HPSE2: variants seen among roughly 807,000 people sequenced by gnomAD.
The protein encoded by HPSE2 is inactive heparanase-2.
HPSE2 carries 38 observed loss-of-function variants against 60.5 expected under a neutral mutation model. The observed-to-expected ratio is 0.63, with a 90% CI of 0.48 to 0.82. The LOEUF is 0.82. Ranked by LOEUF, HPSE2 falls within the 40% of genes least tolerant of loss-of-function variation. HPSE2 has a pLI of 0.00. For synonymous variants in HPSE2, 295 were observed against 293.2 expected (o/e 1.01, Z -0.06); for missense variants, 713 against 740.4 (o/e 0.96, Z 0.43).
At chr10:98,565,500 A>G (rs1944316894) in intron 9 of HPSE2, among the ~76,000 whole-genome samples, 1 of 152,196 alleles carries the variant, frequency 6.6e-6, no homozygotes, top group African/African-American at 2.4e-5. Flanking sequence ...TGCAAAGGAC[A>G]TGATCTCATT....
At chr10:98,657,212 CA>C (rs57694497) in intron 6 of HPSE2, among the ~76,000 whole-genome samples, 10 of 138,806 alleles carry the variant, frequency 7.2e-5, no homozygotes, top group East Asian at 2.1e-4. Context: ...AGAAGCTGTG[CA>C]AAAAAAAAAA....
chr10:98,935,212 T>C (rs1954754057), intron 3 of HPSE2, among the ~76,000 whole-genome samples: 1 of 142,790 alleles, frequency 7.0e-6, no homozygotes, highest in African/African-American at 2.9e-5. Context: ...CTTAGCTTCT[T>C]TGCATTGGGT....
chr10:98,615,574 A>G (rs992775824), intron 8 of HPSE2, among the ~76,000 whole-genome samples: 3 of 152,222 alleles, frequency 2.0e-5, no homozygotes, highest in African/African-American at 4.8e-5. Context: ...CACTATAAGT[A>G]ACTATTCAGG....
intron 2 of HPSE2, among the ~76,000 whole-genome samples, chr10:99,150,931 A>C (rs2135797230): frequency 6.6e-6 from 1 of 152,316 alleles, no homozygotes; most frequent in South Asian, 2.1e-4. Flanking sequence ...AAAATGTTTT[A>C]AACATAATCT....
intron 3 of HPSE2, among the ~76,000 whole-genome samples, chr10:98,924,283 T>C (rs908578120): frequency 1.3e-5 from 2 of 152,186 alleles, no homozygotes; most frequent in Admixed American, 6.5e-5. Flanking sequence ...CAATCACCCC[T>C]GTGGCCACCA....
intron 2 of HPSE2, among the ~76,000 whole-genome samples, chr10:99,224,985 C>T (rs1849426608): frequency 6.6e-6 from 1 of 152,018 alleles, no homozygotes; most frequent in Admixed American, 6.6e-5. Context: ...GACATGGTGA[C>T]TAAATCTTTG....
rs1845130638 is a variant in HPSE2, at chr10:99,125,581, G to C, written c.610+18657C>G. On this transcript the variant is annotated intron_variant, in intron 3 of 11. Transcript: ENST00000370552. ...ACTAGGAAAACTGAAAGAATTCACT[G>C]ATCCTTTGAAAGAAGTGGCATGCCA... Among the ~76,000 whole-genome samples, 3 of 152,290 alleles carry C rather than the reference G, an allele frequency of 2.0e-5. No individual in the cohort carries two copies. In the South Asian group the frequency reaches 6.2e-4, roughly 32 times the overall value.
chr10:98,799,318 T>G (rs1440479846), intron 3 of HPSE2, among the ~76,000 whole-genome samples: 1 of 152,094 alleles, frequency 6.6e-6, no homozygotes, highest in African/African-American at 2.4e-5. Flanking sequence ...AAGAGAGAGA[T>G]AGGGCCCAAT....
intron 3 of HPSE2, among the ~76,000 whole-genome samples, chr10:98,795,083 A>AGAAG (rs1950750113): frequency 3.9e-5 from 5 of 126,594 alleles, no homozygotes; most frequent in Non-Finnish European, 8.2e-5. Flanking sequence ...AAGGAAGGAA[A>AGAAG]GAAGGAAAGA....
chr10:98,644,522 T>C (rs1220984136), intron 6 of HPSE2, among the ~76,000 whole-genome samples: 1 of 152,172 alleles, frequency 6.6e-6, no homozygotes, highest in Non-Finnish European at 1.5e-5. Flanking sequence ...ATTTGGAGTT[T>C]GAAAAGACCT....
At chr10:98,997,261 T>C (rs1027791270) in intron 3 of HPSE2, among the ~76,000 whole-genome samples, 4 of 151,864 alleles carry the variant, frequency 2.6e-5, no homozygotes, top group Non-Finnish European at 5.9e-5. Flanking sequence ...TACAGGCATA[T>C]GCCACCATGC....
intron 3 of HPSE2, among the ~76,000 whole-genome samples, chr10:98,777,003 T>C (rs1038687883): frequency 3.3e-5 from 5 of 152,180 alleles, no homozygotes; most frequent in African/African-American, 1.2e-4. Flanking sequence ...AAACAATTGA[T>C]TAATTTAGTC....
chr10:98,905,416 C>T (rs1215030234), intron 3 of HPSE2, among the ~76,000 whole-genome samples: 1 of 151,022 alleles, frequency 6.6e-6, no homozygotes, highest in African/African-American at 2.4e-5. Flanking sequence ...CTAACAAGTA[C>T]TTCTAATTGG....
the HPSE2 span, among the ~76,000 whole-genome samples, chr10:99,312,371 G>C: frequency 2.0e-5 from 3 of 152,304 alleles, no homozygotes; most frequent in Non-Finnish European, 4.4e-5. Flanking sequence ...GGTTAATACA[G>C]CCGGCGACTT....
At chr10:99,303,649 G>A in the HPSE2 span, among the ~76,000 whole-genome samples, 5 of 152,114 alleles carry the variant, frequency 3.3e-5, no homozygotes, top group African/African-American at 7.2e-5. Context: ...TGTATGAGTC[G>A]CAGGCACAAA....
At chr10:98,499,817 G>C (rs1932799) in intron 9 of HPSE2, among the ~76,000 whole-genome samples, 128,669 of 152,170 alleles carry the variant, frequency 0.85, 56,075 homozygotes, top group East Asian at 0.96. Context: ...AAAGTAAAGG[G>C]GTGGAAAAAG....
intron 3 of HPSE2, among the ~76,000 whole-genome samples, chr10:98,931,353 G>A (rs1954635674): frequency 1.4e-5 from 2 of 144,110 alleles, no homozygotes; most frequent in Non-Finnish European, 3.0e-5. Context: ...CCAGTACCAT[G>A]CTATTTTGGT....
chr10:98,590,455 C>T (rs1023947290), intron 9 of HPSE2, among the ~76,000 whole-genome samples: 1 of 152,192 alleles, frequency 6.6e-6, no homozygotes, highest in African/African-American at 2.4e-5. Context: ...GGGGTCATAT[C>T]ATTCAAACAT....
chr10:98,948,718 T>C (rs1955262111), intron 3 of HPSE2, among the ~76,000 whole-genome samples: 1 of 152,050 alleles, frequency 6.6e-6, no homozygotes, highest in Non-Finnish European at 1.5e-5. Context: ...TTCTACCTCA[T>C]CTACTTCTTC....
Sources: gnomAD v4.1 joint callset for allele counts (sites outside exome capture counted in the v4.1 genomes callset) on GRCh38, gnomAD v4.1.1 for gene constraint, MANE v1.5 for transcripts, NCBI Gene and HGNC (gene_info 2026-07-23, HGNC 2026-07-21) for gene names.